Variants in ABI2 observed in about 807,000 individuals in gnomAD.
The protein encoded by ABI2 is abelson interactor 2.
ABI2 carries 25 observed loss-of-function variants against 59.2 expected under a neutral mutation model. The ratio of observed to expected loss-of-function variants is 0.42; its 90% CI spans 0.31 to 0.59. The LOEUF is 0.59. Ranked by LOEUF, ABI2 falls within the 20% of genes least tolerant of loss-of-function variation. ABI2 has a pLI of 0.14. For synonymous variants in ABI2, 213 were observed against 235.5 expected (o/e 0.90, Z 0.87); for missense variants, 545 against 681.8 (o/e 0.80, Z 2.23).
chr2:203,396,690 C>A, intron 7 of ABI2, 95 bp from the exon 8 acceptor site: 1 of 1,270,612 alleles, frequency 7.9e-7, no homozygotes. Flanking sequence ...GTGTTAAGCA[C>A]TGAATATCTA....
intron 10 of ABI2, among the ~76,000 whole-genome samples, chr2:203,414,101 CTTTTTTTTTT>C (rs539839995): frequency 1.6e-5 from 2 of 126,720 alleles, no homozygotes; most frequent in African/African-American, 3.0e-5. Context: ...CTTGCATTGT[CTTTTTTTTTT>C]TTTTTTTTTG....
Position 203,328,626 on chromosome 2 carries a change from A to G in ABI2, c.112A>G (p.Ile38Val). The G allele has an allele frequency of 4.4e-6, 7 of 1,582,096 alleles. No homozygotes were observed. Among genetic ancestry groups the G allele is most frequent in the Non-Finnish European group, 6.0e-6 (7 of 1,165,226 alleles). The change falls in exon 1 of 12, where the codon ATA becomes GTA. Residue 38 changes from isoleucine to valine, a missense_variant. Coordinates refer to ENST00000261018, the MANE Select transcript of ABI2 (RefSeq NM_001375670.1). ...RVADYCENNY[I>V]QSADKQRALE... is the part of the protein sequence containing the mutation. ...GGCCGATTACTGCGAGAACAACTAC[A>G]TACAGGTGCGAAGCATCCCCAGCTG...
At chr2:203,339,423 T>TA (rs1012675371) in intron 1 of ABI2, among the ~76,000 whole-genome samples, 31 of 151,104 alleles carry the variant, frequency 2.1e-4, no homozygotes, top group Non-Finnish European at 3.4e-4. Flanking sequence ...CTCCTAAAAA[T>TA]AAAAAAATTA....
intron 8 of ABI2, among the ~76,000 whole-genome samples, chr2:203,401,353 C>T (rs1198934295): frequency 6.6e-6 from 1 of 152,082 alleles, no homozygotes; most frequent in African/African-American, 2.4e-5. Flanking sequence ...TATTTCTCCG[C>T]CTCCTCTTCT....
chr2:203,377,013 G>A (rs981411416), intron 2 of ABI2, among the ~76,000 whole-genome samples: 1 of 152,100 alleles, frequency 6.6e-6, no homozygotes, highest in African/African-American at 2.4e-5. Context: ...ATTCTCTGGA[G>A]ATTTATTAAT....
intron 1 of ABI2, among the ~76,000 whole-genome samples, chr2:203,365,242 T>C (rs188505776): frequency 6.6e-5 from 10 of 152,338 alleles, no homozygotes; most frequent in Admixed American, 5.9e-4. Context: ...ATGATGATTA[T>C]GTTCAAGATG....
rs574296350 is a variant in ABI2, at chr2:203,333,530, CTG to C, written c.117+4900_117+4901del. Among the ~76,000 whole-genome samples the C allele has an allele frequency of 3.4e-3, 520 of 152,220 alleles. 3 individuals are homozygous for C. The highest frequency in any genetic ancestry group is 0.012 in the African/African-American group (489 of 41,538). ...AAGAGGTCAGTTGAGAGTAAGGAGA[CTG>C]AGTAGAATTTGGGAGACTGAATTCC... is the stretch of plus-strand genomic sequence containing the variant. On this transcript the variant is annotated intron_variant, in intron 1 of 11. Transcript: ENST00000261018.
At chr2:203,401,769 C>T (rs565821838) in intron 8 of ABI2, among the ~76,000 whole-genome samples, 15 of 152,104 alleles carry the variant, frequency 9.9e-5, no homozygotes, top group African/African-American at 2.2e-4. Context: ...TTTGGAATTA[C>T]GTCATTTAAC....
At chr2:203,412,574 A>G (rs2097721231) in intron 10 of ABI2, among the ~76,000 whole-genome samples, 1 of 152,022 alleles carries the variant, frequency 6.6e-6, no homozygotes, top group Non-Finnish European at 1.5e-5. Context: ...TGACTTCATA[A>G]GATGTTTTGT....
chr2:203,380,264 C>G lies in ABI2; in HGVS notation c.342C>G (p.Thr114=). The part of the protein sequence containing the change: ...VARREIGILT[T]NKNTSRTHKI... ...GAAGAGAAATTGGTATTTTGACTAC[C>G]AATAAAAACACTTCAAGGACACATA... is the stretch of plus-strand genomic sequence containing the variant. Residue 114 remains threonine, a synonymous_variant, in exon 3 of 12, where the codon ACC becomes ACG. Transcript: ENST00000261018. The G allele has an allele frequency of 6.3e-7, 1 of 1,597,106 alleles. No individual in the cohort carries two copies. The highest frequency in any genetic ancestry group is 8.5e-7 in the Non-Finnish European group (1 of 1,173,810).
chr2:203,328,493 G>A lies in ABI2; in HGVS notation c.-22G>A. ...GCTCCCTCTGCGACCTGTATGAGGA[G>A]GAGGAGGAGGAGGATGTGAAGATGG... is the stretch of plus-strand genomic sequence containing the variant. On this transcript the variant is annotated 5_prime_UTR_variant, in exon 1 of 12. Transcript: ENST00000261018. 1 of 1,566,852 alleles carries A rather than the reference G, an allele frequency of 6.4e-7. No individual in the cohort carries two copies. Among genetic ancestry groups the A allele is most frequent in the Non-Finnish European group, 8.7e-7 (1 of 1,147,314 alleles).
At position 203,410,404 on chromosome 2, in the gene ABI2, ATCTTTTTTCTT is replaced by A. The variant is rs534209783; in HGVS notation, c.1193-872_1193-862del. 4.6e-5 allele frequency among the ~76,000 whole-genome samples: 7 copies of A among 152,300 alleles called. No homozygotes were observed. The South Asian group carries it at 1.5e-3, about 32-fold the overall frequency. ...TAAAGGAAACTGTAACTGTAGAGTAATCTTTTTTCTTTCTTTTTTTTGCCGCTTTAGTTTCC... is the reference window on the plus strand; with the variant it reads ...TAAAGGAAACTGTAACTGTAGAGTAATCTTTTTTTTGCCGCTTTAGTTTCC... On this transcript the variant is annotated intron_variant, in intron 9 of 11. Transcript: ENST00000261018.
intron 11 of ABI2, among the ~76,000 whole-genome samples, chr2:203,426,322 A>G (rs1376852865): frequency 5.3e-5 from 8 of 152,166 alleles, no homozygotes; most frequent in Non-Finnish European, 1.2e-4. Flanking sequence ...TAATTCTTCA[A>G]GTGGAATTGA....
chr2:203,346,336 C>CT (rs1342582300), intron 1 of ABI2, among the ~76,000 whole-genome samples: 1 of 152,136 alleles, frequency 6.6e-6, no homozygotes, highest in Non-Finnish European at 1.5e-5. Flanking sequence ...CCACAAAAGA[C>CT]TATGTTTGTT....
At chr2:203,407,525 T>C (rs1451008307) in intron 9 of ABI2, among the ~76,000 whole-genome samples, 1 of 152,220 alleles carries the variant, frequency 6.6e-6, no homozygotes, top group African/African-American at 2.4e-5. Context: ...ACAAGCTTCA[T>C]TGATGCTTCA....
At chr2:203,337,140 G>A (rs1299818696) in intron 1 of ABI2, among the ~76,000 whole-genome samples, 1 of 152,160 alleles carries the variant, frequency 6.6e-6, no homozygotes, top group Non-Finnish European at 1.5e-5. Context: ...AGTACTAGAA[G>A]TCCTAGCCAG....
At chr2:203,345,896 C>G (rs998112723) in intron 1 of ABI2, among the ~76,000 whole-genome samples, 1 of 151,494 alleles carries the variant, frequency 6.6e-6, no homozygotes, top group African/African-American at 2.4e-5. Flanking sequence ...AAATTTGCTT[C>G]TGGCCGGGCA....
intron 4 of ABI2, among the ~76,000 whole-genome samples, chr2:203,385,219 C>G (rs1034747789): frequency 1.4e-5 from 2 of 146,832 alleles, no homozygotes; most frequent in African/African-American, 5.0e-5. Flanking sequence ...CAGGCTCCAC[C>G]TCCCAGGTTT....
At position 203,342,164 on chromosome 2, in the gene ABI2, A is replaced by G. The variant is rs942002667; in HGVS notation, c.117+13533A>G. The stretch of plus-strand genomic sequence containing the variant: ...TGACTCACACCATTTATTTTATTAT[A>G]TGTTTTTTTCCTTCCTGGTCGTTCA... On this transcript the variant is annotated intron_variant, in intron 1 of 11. Coordinates refer to ENST00000261018, the MANE Select transcript of ABI2 (RefSeq NM_001375670.1). The G allele has an allele frequency of 5.5e-5, 25 of 451,810 alleles. No individual in the cohort carries two copies. The Admixed American group carries it at 5.7e-4, about 10-fold the overall frequency. 28.0% of individuals were successfully genotyped at this position (451,810 alleles called of 1,614,324 possible). A position where few individuals can be genotyped will look rare whatever the true frequency, so the allele number is the denominator to read the frequency against.
Sources: gnomAD v4.1 joint callset for allele counts (sites outside exome capture counted in the v4.1 genomes callset) on GRCh38, gnomAD v4.1.1 for gene constraint, MANE v1.5 for transcripts, NCBI Gene and HGNC (gene_info 2026-07-23, HGNC 2026-07-21) for gene names.